Variants in OSBPL8 observed in about 807,000 individuals in gnomAD.
OSBPL8 encodes the protein oxysterol binding protein like 8, also known as oxysterol-binding protein-related protein 8.
A neutral mutation model predicts 125.5 loss-of-function variants in OSBPL8; 59 were observed. The observed-to-expected ratio is 0.47, with a 90% CI of 0.38 to 0.58. OSBPL8 has a LOEUF of 0.58. Ranked by LOEUF, OSBPL8 falls within the 20% of genes least tolerant of loss-of-function variation. The pLI, the probability that OSBPL8 is intolerant of heterozygous loss-of-function variation, is 0.00. For missense variants in OSBPL8, 758 were observed against 1,047.8 expected (o/e 0.72, Z 3.82); for synonymous variants, 330 against 338.9 (o/e 0.97, Z 0.29).
chr12:76,356,162 T>TGGGGGGGGGGTAGGTGGGGG, intron 23 of OSBPL8, 141 bp from the exon 24 acceptor site: 1 of 131,274 alleles, frequency 7.6e-6, no homozygotes, highest in South Asian at 1.1e-4. Context: ...TATGTAGGGG[T>TGGGGGGGGGGTAGGTGGGGG]GGGGGGGGGC....
intron 1 of OSBPL8, among the ~76,000 whole-genome samples, chr12:76,506,637 C>G (rs181419072): frequency 3.7e-4 from 56 of 152,052 alleles, no homozygotes; most frequent in Non-Finnish European, 5.3e-4. Context: ...ATTATAAAAT[C>G]ACTAACTAAA....
At chr12:76,448,962 G>A (rs953255800) in intron 4 of OSBPL8, among the ~76,000 whole-genome samples, 1 of 152,176 alleles carries the variant, frequency 6.6e-6, no homozygotes, top group African/African-American at 2.4e-5. Context: ...GCAGTGAGCT[G>A]AGATCGCGCC....
At chr12:76,365,204 A>T (rs1356675557) in intron 21 of OSBPL8, among the ~76,000 whole-genome samples, 2 of 152,124 alleles carry the variant, frequency 1.3e-5, no homozygotes, top group African/African-American at 2.4e-5. Flanking sequence ...GGCCTCCCAA[A>T]GTGCTGAGGT....
At chr12:76,459,196 C>A (rs1289587594) in intron 3 of OSBPL8, among the ~76,000 whole-genome samples, 3 of 152,090 alleles carry the variant, frequency 2.0e-5, no homozygotes, top group African/African-American at 7.2e-5. Flanking sequence ...TTCCTTTCAC[C>A]TCAGCAATTC....
intron 1 of OSBPL8, among the ~76,000 whole-genome samples, chr12:76,519,607 G>A (rs1881874763): frequency 6.6e-6 from 1 of 152,090 alleles, no homozygotes; most frequent in Non-Finnish European, 1.5e-5. Context: ...ACCTGAATCT[G>A]GGTAATTTAT....
At position 76,378,331 on chromosome 12, in the gene OSBPL8, G is replaced by A. The variant is rs903373919; in HGVS notation, c.1729+121C>T. 25 of 668,730 alleles carry A rather than the reference G, an allele frequency of 3.7e-5. No homozygotes were observed. The African/African-American group carries it at 4.4e-4, about 12-fold the overall frequency. 41.4% of individuals were successfully genotyped at this position (668,730 alleles called of 1,614,324 possible). On this transcript the variant is annotated intron_variant, in intron 16 of 23. Transcript: ENST00000261183. ...ATAATCTTAAATATCTGTAATCCAAGGATGCTTTCAAACAAAATGTAAGTC... is the reference window on the plus strand; with the variant it reads ...ATAATCTTAAATATCTGTAATCCAAAGATGCTTTCAAACAAAATGTAAGTC...
At chr12:76,526,935 C>G (rs1194122899) in intron 1 of OSBPL8, among the ~76,000 whole-genome samples, 1 of 96,672 alleles carries the variant, frequency 1.0e-5, no homozygotes, top group Admixed American at 8.9e-5. Context: ...CAGGTGTGAG[C>G]CACCATGCCT....
At chr12:76,439,464 T>C (rs77084201) in intron 4 of OSBPL8, among the ~76,000 whole-genome samples, 1,618 of 152,180 alleles carry the variant, frequency 0.011, 38 homozygotes, top group African/African-American at 0.037. Flanking sequence ...CCAAGAGAGA[T>C]TGTAAAACAC....
chr12:76,435,355 T>C (rs1311175105), intron 4 of OSBPL8, among the ~76,000 whole-genome samples: 2 of 152,060 alleles, frequency 1.3e-5, no homozygotes, highest in Non-Finnish European at 2.9e-5. Flanking sequence ...ATAGTTGAAC[T>C]CATAGATGCA....
chr12:76,500,669 A>C (rs1321764309), intron 1 of OSBPL8, among the ~76,000 whole-genome samples: 3 of 152,178 alleles, frequency 2.0e-5, no homozygotes, highest in East Asian at 3.8e-4. Flanking sequence ...TTTAAAGTAC[A>C]AATCTTCCTT....
chr12:76,537,145 C>G (rs541566320), intron 1 of OSBPL8: 12 of 152,318 alleles, frequency 7.9e-5, no homozygotes, highest in South Asian at 6.2e-4. Context: ...ACTATGAAAG[C>G]CTTTACATTT....
At chr12:76,484,431 G>A (rs1265746407) in intron 2 of OSBPL8, among the ~76,000 whole-genome samples, 1 of 152,198 alleles carries the variant, frequency 6.6e-6, no homozygotes, top group East Asian at 1.9e-4. Flanking sequence ...TTTTTGTAGA[G>A]AAGGCTTAAT....
intron 9 of OSBPL8, among the ~76,000 whole-genome samples, chr12:76,394,253 C>T (rs994202529): frequency 6.6e-5 from 10 of 151,728 alleles, no homozygotes; most frequent in African/African-American, 1.5e-4. Context: ...AGGTTGTACT[C>T]GAATCTCTTA....
At chr12:76,491,666 T>C (rs58970584) in intron 1 of OSBPL8, among the ~76,000 whole-genome samples, 54 of 152,332 alleles carry the variant, frequency 3.5e-4, no homozygotes, top group Middle Eastern at 3.4e-3. Flanking sequence ...ATTTTACTGA[T>C]CTGTTTTTCC....
At chr12:76,533,281 G>C (rs980099627) in intron 1 of OSBPL8, among the ~76,000 whole-genome samples, 1 of 151,910 alleles carries the variant, frequency 6.6e-6, no homozygotes, top group Non-Finnish European at 1.5e-5. Flanking sequence ...TTAAGACCAG[G>C]TTTTGATAAT....
intron 6 of OSBPL8, 60 bp from the exon 7 acceptor site, chr12:76,400,034 A>G: frequency 7.8e-7 from 1 of 1,288,022 alleles, no homozygotes; most frequent in Admixed American, 2.4e-5. Context: ...ATTTATTTTA[A>G]GTTCAGGGGT....
chr12:76,497,719 A>C (rs1879425057), intron 1 of OSBPL8, among the ~76,000 whole-genome samples: 1 of 152,178 alleles, frequency 6.6e-6, no homozygotes, highest in South Asian at 2.1e-4. Context: ...TAAGGGCTTA[A>C]GTGCATAAGG....
At position 76,369,815 on chromosome 12, in the gene OSBPL8, G is replaced by C. The variant is rs773072459; in HGVS notation, c.2062C>G (p.Gln688Glu). 6.2e-7 allele frequency: 1 copy of C among 1,612,408 alleles called. No individual in the cohort carries two copies. The highest frequency in any genetic ancestry group is 1.1e-5 in the South Asian group (1 of 90,894). Residue 688 changes from glutamine (Q) to glutamate (E), a missense_variant, in exon 20 of 24, where the codon CAA (glutamine) becomes GAA (glutamate). Transcript: ENST00000261183. ...GCATTTATGGCTCGAGTTACCCGTT[G>C]CCAGAGTCTAATACATGTGCGAAAA... is the stretch of plus-strand genomic sequence containing the variant. ...QGDFESEKLW[Q>E]RVTRAINAKD...
At chr12:76,378,675 A>G (rs1952921183) in intron 15 of OSBPL8, 125 bp from the exon 16 acceptor site, 4 of 653,356 alleles carry the variant, frequency 6.1e-6, no homozygotes, top group African/African-American at 1.8e-5. Flanking sequence ...CTCAATCTCA[A>G]TGTGCCCAAA....
Sources: allele counts gnomAD v4.1 joint callset (sites outside exome capture counted in the v4.1 genomes callset), GRCh38; gene constraint gnomAD v4.1.1; transcripts MANE v1.5; gene names NCBI Gene and HGNC (gene_info 2026-07-23, HGNC 2026-07-21).